The following AHI1 variants were observed in gnomAD, a reference collection of about 807,000 sequenced individuals.
The protein encoded by AHI1 is jouberin.
In AHI1, 123 loss-of-function variants were observed where a neutral mutation model predicts 149.3. That is an observed-to-expected ratio of 0.82 (90% CI 0.71 to 0.96). The LOEUF (loss-of-function observed/expected upper bound fraction) is 0.96. AHI1 is among the 40% of genes least tolerant of loss of function. The pLI, the probability that AHI1 is intolerant of heterozygous loss-of-function variation, is 0.00. For missense variants in AHI1, 1,439 were observed against 1,422.7 expected, an observed-to-expected ratio of 1.01 and a Z score of -0.18; for synonymous variants, 475 against 459.8, an observed-to-expected ratio of 1.03 and a Z score of -0.42.
rs1408724705 is a variant in AHI1 at position 135,411,748 on chromosome 6, C to T, written c.2765-204G>A. ...GCAAATAGAATTTCATGTCAGGCAG[C>T]ATTATAATTGAGCTGTGAAGGCCAT... On this transcript the variant is annotated intron_variant, in intron 20 of 28. Coordinates refer to ENST00000265602, the MANE Select transcript of AHI1 (RefSeq NM_001134831.2). Among the ~76,000 whole-genome samples, 11 of 152,014 alleles carry T rather than the reference C, an allele frequency of 7.2e-5. 1 individual carries two copies. The highest frequency in any genetic ancestry group is 6.6e-4 in the Admixed American group (10 of 15,266).
chr6:135,377,134 T>C, intron 23 of AHI1, among the ~76,000 whole-genome samples: 1 of 152,120 alleles, frequency 6.6e-6, no homozygotes, highest in Non-Finnish European at 1.5e-5. Flanking sequence ...TCTTGGTTAT[T>C]TTTCTTAGGT....
chr6:135,397,165 T>G lies in AHI1; in HGVS notation c.2989-2269A>C, dbSNP rs183280640. The stretch of plus-strand genomic sequence containing the variant: ...TAATTTCTAAAGTTTGGGGTAACTG[T>G]TAATTATTACTGTTATTATTAGATA... On this transcript the variant is annotated intron_variant, in intron 22 of 28. Transcript: ENST00000265602. Among the ~76,000 whole-genome samples the G allele has an allele frequency of 2.4e-4, 37 of 152,080 alleles. No homozygotes were observed. The East Asian group carries it at 6.7e-3, about 28-fold the overall frequency.
intron 23 of AHI1, among the ~76,000 whole-genome samples, chr6:135,359,815 G>A (rs1398847558): frequency 6.6e-6 from 1 of 151,930 alleles, no homozygotes; most frequent in Non-Finnish European, 1.5e-5. Flanking sequence ...AATTTTAATT[G>A]GAGAAAAGGA....
intron 24 of AHI1, among the ~76,000 whole-genome samples, chr6:135,332,241 TG>T (rs904763360): frequency 1.3e-5 from 2 of 152,168 alleles, no homozygotes; most frequent in African/African-American, 4.8e-5. Context: ...AGCTAATTTT[TG>T]TATTTTTAGT....
At chr6:135,488,797 C>T (rs112131528) in intron 5 of AHI1, among the ~76,000 whole-genome samples, 5 of 152,172 alleles carry the variant, frequency 3.3e-5, no homozygotes, top group South Asian at 2.1e-4. Context: ...GTTCTTCTTT[C>T]AAGAAGAAGT....
chr6:135,394,683 A>C, intron 23 of AHI1, 93 bp downstream of exon 23: 7 of 1,518,718 alleles, frequency 4.6e-6, no homozygotes, highest in Non-Finnish European at 6.3e-6. Flanking sequence ...ACCGACCATT[A>C]TGAGCTTTAT....
intron 23 of AHI1, among the ~76,000 whole-genome samples, chr6:135,359,603 G>T (rs973867262): frequency 1.3e-5 from 2 of 152,184 alleles, no homozygotes; most frequent in African/African-American, 4.8e-5. Flanking sequence ...TCCCAACTTT[G>T]TCAGCCCCTA....
At chr6:135,354,401 C>T (rs1385748412) in intron 24 of AHI1, among the ~76,000 whole-genome samples, 3 of 152,196 alleles carry the variant, frequency 2.0e-5, no homozygotes, top group Non-Finnish European at 4.4e-5. Flanking sequence ...ATGTATTTTA[C>T]ATGTATATTA....
At chr6:135,447,428 C>T (rs939101627) in intron 12 of AHI1, among the ~76,000 whole-genome samples, 1 of 152,080 alleles carries the variant, frequency 6.6e-6, no homozygotes, top group Non-Finnish European at 1.5e-5. Flanking sequence ...TAACTCTATC[C>T]TTTGTTTCTG....
chr6:135,301,600 T>C (rs1308623508), intron 26 of AHI1: 1 of 985,338 alleles, frequency 1.0e-6, no homozygotes, highest in Non-Finnish European at 1.2e-6. Context: ...TTCTGGACCA[T>C]AATTATATGA....
intron 21 of AHI1, among the ~76,000 whole-genome samples, chr6:135,405,875 G>GAAAAAAAAAAAA (rs561001090): frequency 9.2e-6 from 1 of 109,118 alleles, no homozygotes; most frequent in Admixed American, 9.3e-5. Flanking sequence ...AAAAAAAAAA[G>GAAAAAAAAAAAA]AAAAAAAAAA....
chr6:135,301,046 G>T, intron 26 of AHI1: 1 of 984,752 alleles, frequency 1.0e-6, no homozygotes, highest in Non-Finnish European at 1.2e-6. Context: ...TTTTATTAAT[G>T]GCACCTTCGT....
chr6:135,454,646 C>T (rs1788631887), intron 10 of AHI1, among the ~76,000 whole-genome samples: 1 of 152,166 alleles, frequency 6.6e-6, no homozygotes, highest in South Asian at 2.1e-4. Context: ...AAAGCAGTTG[C>T]ATAGGCAATA....
At chr6:135,467,715 T>C (rs1203233582) in intron 5 of AHI1, 81 bp from the exon 6 acceptor site, 3 of 985,182 alleles carry the variant, frequency 3.0e-6, no homozygotes, top group Non-Finnish European at 3.0e-6. Context: ...TGTTCAACTA[T>C]GTGGAATTAT....
chr6:135,451,672 A>T (rs923426827), intron 11 of AHI1, among the ~76,000 whole-genome samples: 28 of 152,172 alleles, frequency 1.8e-4, no homozygotes, highest in African/African-American at 6.3e-4. Flanking sequence ...ATAAATAAAT[A>T]AAAATCCATA....
chr6:135,304,223 T>C (rs1583597849), intron 26 of AHI1, among the ~76,000 whole-genome samples: 2 of 152,104 alleles, frequency 1.3e-5, no homozygotes, highest in Admixed American at 6.6e-5. Flanking sequence ...TCTAATTTTT[T>C]TGATTTTTTA....
At chr6:135,300,445 TAAAAG>T in intron 27 of AHI1, 50 bp downstream of exon 27, 4 of 1,474,794 alleles carry the variant, frequency 2.7e-6, no homozygotes, top group Non-Finnish European at 3.6e-6. Flanking sequence ...AAATTATCCT[TAAAAG>T]AAAACCCCAA....
In AHI1 at chr6:135,463,116, A is replaced by G. The variant is rs760451146; in HGVS notation, c.931+9T>C. 12 of 1,562,808 alleles carry G rather than the reference A, an allele frequency of 7.7e-6. No individual in the cohort carries two copies. The highest frequency in any genetic ancestry group is 1.9e-5 in the Admixed American group (1 of 53,500). ...ATACACAATTTTTCATTTAATTTGT[A>G]TAGCAAACCTGCTTTAGTCTTCTTT... On this transcript the variant is annotated intron_variant, in intron 8 of 28. Coordinates refer to ENST00000265602, the MANE Select transcript of AHI1 (RefSeq NM_001134831.2).
chr6:135,453,997 C>T (rs1788531874), intron 10 of AHI1, among the ~76,000 whole-genome samples: 1 of 152,128 alleles, frequency 6.6e-6, no homozygotes, highest in South Asian at 2.1e-4. Context: ...TCACTTCAAA[C>T]TTACTGGTGC....
Sources: gnomAD v4.1 joint callset for allele counts (sites outside exome capture counted in the v4.1 genomes callset) on GRCh38, gnomAD v4.1.1 for gene constraint, MANE v1.5 for transcripts, NCBI Gene and HGNC (gene_info 2026-07-23, HGNC 2026-07-21) for gene names.